Variants in WWOX observed in about 807,000 individuals in gnomAD.
WWOX encodes the protein WW domain-containing oxidoreductase.
A neutral mutation model predicts 46.2 loss-of-function variants in WWOX; 69 were observed. The ratio of observed to expected loss-of-function variants is 1.49; its 90% CI spans 1.23 to 1.82. WWOX has a LOEUF of 1.82. WWOX is among the 40% of genes most tolerant of loss of function. The probability of loss-of-function intolerance (pLI) is 0.00; values close to 1 mark genes in which losing one functional copy is unlikely to be tolerated. For missense variants in WWOX, 919 were observed against 542.6 expected (o/e 1.69, Z -6.89); for synonymous variants, 359 against 202.6 (o/e 1.77, Z -6.56).
chr16:78,322,977 T>C (rs900044163), intron 5 of WWOX, among the ~76,000 whole-genome samples: 1 of 152,100 alleles, frequency 6.6e-6, no homozygotes, highest in African/African-American at 2.4e-5. Context: ...AACACTGGCA[T>C]TGGGTTAGGT....
rs569312710 is a variant in WWOX at position 79,054,976 on chromosome 16, A to G, written c.1057-156632A>G. ...TGTATTTTGAGAGTTTGTGTGTGCA[A>G]TGGTTTTCCACTGACTAATCAGGCT... On this transcript the variant is annotated intron_variant, in intron 8 of 8. Transcript: ENST00000566780. Among the ~76,000 whole-genome samples the G allele has an allele frequency of 2.1e-4, 32 of 152,352 alleles. 1 individual carries two copies. The highest frequency in any genetic ancestry group is 3.6e-4 in the African/African-American group (15 of 41,580).
At chr16:79,065,772 C>T (rs920313222) in intron 8 of WWOX, among the ~76,000 whole-genome samples, 1 of 152,198 alleles carries the variant, frequency 6.6e-6, no homozygotes, top group Non-Finnish European at 1.5e-5. Context: ...CTAAATTCTT[C>T]CCAGTGTTAC....
intron 8 of WWOX, among the ~76,000 whole-genome samples, chr16:78,525,027 G>A (rs9938829): frequency 0.04 from 6,012 of 150,394 alleles, 235 homozygotes; most frequent in African/African-American, 0.1. Flanking sequence ...CACCACACTT[G>A]GCTACTTGTT....
At chr16:78,457,154 C>T (rs17719479) in intron 8 of WWOX, among the ~76,000 whole-genome samples, 11 of 152,058 alleles carry the variant, frequency 7.2e-5, no homozygotes, top group East Asian at 5.8e-4. Context: ...GTGTCTGCAC[C>T]CTTTTTTGTT....
chr16:78,510,316 C>T (rs1257573111), intron 8 of WWOX, among the ~76,000 whole-genome samples: 2 of 152,138 alleles, frequency 1.3e-5, no homozygotes, highest in African/African-American at 4.8e-5. Context: ...ACTGATTCTC[C>T]TGCCTCCGCT....
chr16:78,469,201 C>T (rs1476295217), intron 8 of WWOX, among the ~76,000 whole-genome samples: 1 of 152,092 alleles, frequency 6.6e-6, no homozygotes, highest in Non-Finnish European at 1.5e-5. Flanking sequence ...ATATTTATTC[C>T]CTCTCCTGAG....
chr16:79,200,531 C>G (rs1305990318), intron 8 of WWOX, among the ~76,000 whole-genome samples: 2 of 152,252 alleles, frequency 1.3e-5, no homozygotes, highest in East Asian at 1.9e-4. Context: ...TACAATAACA[C>G]CTGCCTGGTG....
intron 8 of WWOX, among the ~76,000 whole-genome samples, chr16:78,653,804 T>C (rs528668754): frequency 1.3e-5 from 2 of 152,342 alleles, no homozygotes; most frequent in South Asian, 2.1e-4. Context: ...GTTTTTGCCA[T>C]TGAAAGTGAT....
At chr16:78,998,275 C>G (rs137905867) in intron 8 of WWOX, among the ~76,000 whole-genome samples, 1 of 152,222 alleles carries the variant, frequency 6.6e-6, no homozygotes, top group Non-Finnish European at 1.5e-5. Flanking sequence ...CACATCAGTT[C>G]ATTCTCTCTG....
intron 8 of WWOX, among the ~76,000 whole-genome samples, chr16:78,543,400 T>C (rs1461293768): frequency 6.6e-6 from 1 of 152,230 alleles, no homozygotes; most frequent in African/African-American, 2.4e-5. Flanking sequence ...TGATGCCCTT[T>C]CACATACAGC....
At chr16:78,333,250 G>T (rs1383681726) in intron 5 of WWOX, among the ~76,000 whole-genome samples, 1 of 151,638 alleles carries the variant, frequency 6.6e-6, no homozygotes, top group African/African-American at 2.4e-5. Flanking sequence ...GCGTTTCACC[G>T]TGTTGGCCAG....
At chr16:78,327,646 A>C (rs1344211226) in intron 5 of WWOX, among the ~76,000 whole-genome samples, 3 of 152,088 alleles carry the variant, frequency 2.0e-5, no homozygotes, top group African/African-American at 7.2e-5. Context: ...TTCTATTTTT[A>C]TTTAAAAATT....
At chr16:78,775,460 G>A (rs537497529) in intron 8 of WWOX, among the ~76,000 whole-genome samples, 1 of 152,082 alleles carries the variant, frequency 6.6e-6, no homozygotes. Context: ...GAGATACCCA[G>A]ACTCATTTCT....
At chr16:78,727,305 A>C (rs2048859246) in intron 8 of WWOX, among the ~76,000 whole-genome samples, 1 of 152,212 alleles carries the variant, frequency 6.6e-6, no homozygotes, top group Non-Finnish European at 1.5e-5. Context: ...AGGCTGAGGC[A>C]GGAGAATCAC....
At chr16:78,361,540 C>G (rs185094807) in intron 5 of WWOX, among the ~76,000 whole-genome samples, 23 of 152,248 alleles carry the variant, frequency 1.5e-4, no homozygotes, top group African/African-American at 5.5e-4. Flanking sequence ...ATGTATTTCC[C>G]TTACTCTTTT....
chr16:79,003,858 G>A (rs2047141389), intron 8 of WWOX, among the ~76,000 whole-genome samples: 1 of 152,128 alleles, frequency 6.6e-6, no homozygotes, highest in African/African-American at 2.4e-5. Flanking sequence ...GAGCTCACTG[G>A]GATTAAGGGG....
rs1485377841 is a variant in WWOX, at chr16:78,567,579, G to A, written c.1056+134827G>A. Reference sequence around the variant, plus strand: ...AAAAAAAAAAAAAAAAAAAAAAGAAGTGAGTTTTTTTTGTGTATTCTGAAA... The same window carrying A: ...AAAAAAAAAAAAAAAAAAAAAAGAAATGAGTTTTTTTTGTGTATTCTGAAA... On this transcript the variant is annotated intron_variant, in intron 8 of 8. Coordinates refer to ENST00000566780, the MANE Select transcript of WWOX (RefSeq NM_016373.4). 8.9e-5 allele frequency among the ~76,000 whole-genome samples: 12 copies of A among 135,320 alleles called. No homozygotes were observed. The East Asian group carries it at 1.7e-3, about 19-fold the overall frequency. The allele number at this position is 135,320 out of a possible 152,430, so 88.8% of individuals were successfully genotyped here. A position where few individuals can be genotyped will look rare whatever the true frequency, so the allele number is the denominator to read the frequency against.
At chr16:78,551,004 A>G (rs751921078) in intron 8 of WWOX, 51 of 152,240 alleles carry the variant, frequency 3.3e-4, no homozygotes, top group Non-Finnish European at 3.5e-4. Flanking sequence ...GTAACAGTCA[A>G]TATATTCAGT....
At chr16:78,234,995 G>T (rs1459062041) in intron 5 of WWOX, among the ~76,000 whole-genome samples, 3 of 151,780 alleles carry the variant, frequency 2.0e-5, no homozygotes, top group Non-Finnish European at 4.4e-5. Context: ...TTAACAGTAG[G>T]TCCTGTAAAG....
Sources: allele counts gnomAD v4.1 joint callset (sites outside exome capture counted in the v4.1 genomes callset), GRCh38; gene constraint gnomAD v4.1.1; transcripts MANE v1.5; gene names NCBI Gene and HGNC (gene_info 2026-07-23, HGNC 2026-07-21).